The following DCUN1D4 variants were observed in gnomAD, a reference collection of about 807,000 sequenced individuals.
DCUN1D4 encodes DCN1-like protein 4.
Under a neutral mutation model 47.9 loss-of-function variants are expected in DCUN1D4, and 22 were observed. That is an observed-to-expected ratio of 0.46 (90% confidence interval 0.33 to 0.66). DCUN1D4 has a LOEUF of 0.66. DCUN1D4 is among the 30% of genes least tolerant of loss of function. DCUN1D4 has a pLI of 0.02. For synonymous variants in DCUN1D4, 121 were observed against 112.2 expected (o/e 1.08, Z -0.50); for missense variants, 301 against 340.8 (o/e 0.88, Z 0.92).
At chr4:51,835,309 T>C in the DCUN1D4 span, among the ~76,000 whole-genome samples, 14 of 152,356 alleles carry the variant, frequency 9.2e-5, no homozygotes, top group East Asian at 2.7e-3. Flanking sequence ...TTTTCACCCA[T>C]AAAGTGGGTT....
chr4:51,913,406 C>CT lies in DCUN1D4; in HGVS notation c.823+15dup. The CT allele has an allele frequency of 6.2e-7, 1 of 1,600,448 alleles. No homozygotes were observed. Among genetic ancestry groups the CT allele is most frequent in the South Asian group, 1.1e-5 (1 of 90,300 alleles). ...AAGATGGAGCATGTAAGTACTGCCGCTACCATTCTGCCATTCGTGTACATT... is the reference window on the plus strand; with the variant it reads ...AAGATGGAGCATGTAAGTACTGCCGCTTACCATTCTGCCATTCGTGTACATT... On this transcript the variant is annotated intron_variant, in intron 10 of 10. Transcript: ENST00000334635.
chr4:51,876,242 A>G (rs1727647633), intron 4 of DCUN1D4, among the ~76,000 whole-genome samples: 1 of 152,214 alleles, frequency 6.6e-6, no homozygotes, highest in African/African-American at 2.4e-5. Context: ...CAGCCATAAA[A>G]AATGATGAGT....
In DCUN1D4 at chr4:51,900,983, C is replaced by T. The variant is rs546066794; in HGVS notation, c.615+1605C>T. 4.6e-4 allele frequency among the ~76,000 whole-genome samples: 70 copies of T among 152,276 alleles called. 1 individual carries two copies. The highest frequency in any genetic ancestry group is 1.6e-3 in the African/African-American group (66 of 41,558). On this transcript the variant is annotated intron_variant, in intron 8 of 10. Coordinates refer to ENST00000334635, the MANE Select transcript of DCUN1D4 (RefSeq NM_001040402.3). ...CTGTTCTGGGGCAGTCACCCTGGCA[C>T]ATCTCATGAGTGCTCTTTGGCCACC...
chr4:51,889,604 A>C (rs1730106961), intron 6 of DCUN1D4, among the ~76,000 whole-genome samples: 1 of 151,980 alleles, frequency 6.6e-6, no homozygotes, highest in Non-Finnish European at 1.5e-5. Flanking sequence ...TTTTTTTTTA[A>C]CTTAACAAGT....
At chr4:51,836,408 C>T in the DCUN1D4 span, among the ~76,000 whole-genome samples, 5 of 152,158 alleles carry the variant, frequency 3.3e-5, no homozygotes, top group South Asian at 2.1e-4. Context: ...TAGTGGTTTG[C>T]ATGTGTTTGT....
intron 5 of DCUN1D4, among the ~76,000 whole-genome samples, chr4:51,882,562 T>C (rs1157908877): frequency 6.6e-6 from 1 of 151,918 alleles, no homozygotes; most frequent in African/African-American, 2.4e-5. Context: ...GGTCAGGAGA[T>C]CGAGACCATC....
At chr4:51,884,468 G>T (rs1729156723) in intron 5 of DCUN1D4, 2 of 152,260 alleles carry the variant, frequency 1.3e-5, no homozygotes. Flanking sequence ...GAATGAAATG[G>T]ATACATACTA....
chr4:51,884,407 A>G (rs1729146518), intron 5 of DCUN1D4: 1 of 151,372 alleles, frequency 6.6e-6, no homozygotes, highest in South Asian at 2.1e-4. Context: ...TTTGCACCCT[A>G]GGCAACTACT....
At chr4:51,838,376 C>CTTTA (rs965293722), upstream of DCUN1D4, among the ~76,000 whole-genome samples, 160 of 151,966 alleles carry the variant, frequency 1.1e-3, no homozygotes, top group African/African-American at 3.4e-3. Context: ...CCTGGTTTCA[C>CTTTA]TTTATTTATT....
rs1464622679 is a variant in DCUN1D4 at position 51,863,508 on chromosome 4, G to T, written c.96+1G>T. 1 of 1,610,280 alleles carries T rather than the reference G, an allele frequency of 6.2e-7. No homozygotes were observed. The highest frequency in any genetic ancestry group is 1.3e-5 in the African/African-American group (1 of 74,762). On this transcript the variant is annotated splice_donor_variant, in intron 2 of 10. Coordinates refer to ENST00000334635, the MANE Select transcript of DCUN1D4 (RefSeq NM_001040402.3). LOFTEE classifies it high-confidence loss of function. ...GATCTACCACACCCTTAATAAGCTG[G>T]TAAGTCATTCTTTTAAAGACAAAAT...
At chr4:51,839,529 T>A (rs1721579126), upstream of DCUN1D4, among the ~76,000 whole-genome samples, 1 of 152,180 alleles carries the variant, frequency 6.6e-6, no homozygotes, top group Admixed American at 6.5e-5. Flanking sequence ...GACAGCAAAT[T>A]CAGTTGGTCA....
rs754309230 is a variant in DCUN1D4, at chr4:51,877,760, C to T, written c.252-3C>T. ...AACTTAAAACTGCCTTTTCAATTTC[C>T]AGCATGTATAGAAAATATGATTCGA... On this transcript the variant is annotated splice_region_variant and splice_polypyrimidine_tract_variant and intron_variant, in intron 4 of 10. Coordinates refer to ENST00000334635, the MANE Select transcript of DCUN1D4 (RefSeq NM_001040402.3). 16 of 1,590,056 alleles carry T rather than the reference C, an allele frequency of 1.0e-5. No individual in the cohort carries two copies. The East Asian group carries it at 2.9e-4, about 29-fold the overall frequency.
chr4:51,877,767 T>C lies in DCUN1D4; in HGVS notation c.256T>C (p.Tyr86His). ...SAKKSRHDSM[Y>H]RKYDSTRIKT... ...AACTGCCTTTTCAATTTCCAGCATG[T>C]ATAGAAAATATGATTCGACTAGAAT... The change falls in exon 5 of 11, where the codon TAT (tyrosine) becomes CAT (histidine). Residue 86 changes from tyrosine to histidine, a missense_variant. Physicochemically the swap from Tyr to His is moderately conservative, Grantham distance 83. Transcript: ENST00000334635. The C allele has an allele frequency of 6.2e-7, 1 of 1,602,146 alleles. No homozygotes were observed. The highest frequency in any genetic ancestry group is 1.1e-5 in the South Asian group (1 of 89,034).
At chr4:51,842,874 G>GCCCCTACACGCGCTCTCGGA (rs1553914270), upstream of DCUN1D4, 1 of 295,948 alleles carries the variant, frequency 3.4e-6, no homozygotes, top group Non-Finnish European at 6.0e-6. Context: ...TCCCAGCTTC[G>GCCCCTACACGCGCTCTCGGA]CCCCTACACG....
intron 3 of DCUN1D4, among the ~76,000 whole-genome samples, chr4:51,869,169 AAAAAAAAT>A (rs1465022961): frequency 8.6e-6 from 1 of 116,860 alleles, no homozygotes; most frequent in African/African-American, 4.9e-5. Flanking sequence ...GACCAAAAAT[AAAAAAAAT>A]AAAAAAAAAT....
intron 5 of DCUN1D4, among the ~76,000 whole-genome samples, chr4:51,882,750 G>A (rs1041319923): frequency 6.6e-6 from 1 of 152,108 alleles, no homozygotes; most frequent in Non-Finnish European, 1.5e-5. Flanking sequence ...CTGGGCGACA[G>A]TGCCAGACTC....
At chr4:51,837,099 T>C in the DCUN1D4 span, among the ~76,000 whole-genome samples, 64,000 of 152,066 alleles carry the variant, frequency 0.42, 16,324 homozygotes, top group African/African-American at 0.72. Context: ...AGTTGGAAAA[T>C]TGCACCTTCT....
chr4:51,884,684 G>T (rs970888985), intron 5 of DCUN1D4, among the ~76,000 whole-genome samples: 2 of 152,234 alleles, frequency 1.3e-5, no homozygotes, highest in African/African-American at 2.4e-5. Context: ...GGGAAAGACA[G>T]ATGAGCTGGG....
intron 7 of DCUN1D4, among the ~76,000 whole-genome samples, chr4:51,895,803 G>T (rs539349877): frequency 1.5e-4 from 23 of 152,228 alleles, no homozygotes; most frequent in African/African-American, 5.1e-4. Flanking sequence ...TTTGTGTTGG[G>T]AAATGGTGTT....
Sources: gnomAD v4.1 joint callset for allele counts (sites outside exome capture counted in the v4.1 genomes callset) on GRCh38, gnomAD v4.1.1 for gene constraint, MANE v1.5 for transcripts, NCBI Gene and HGNC (gene_info 2026-07-23, HGNC 2026-07-21) for gene names.